DRD3: variants seen among roughly 807,000 people sequenced by gnomAD.
DRD3 encodes dopamine receptor D3, also known as D(3) dopamine receptor.
DRD3 carries 19 observed loss-of-function variants against 36.3 expected under a neutral mutation model. The observed-to-expected ratio is 0.52, with a 90% CI of 0.36 to 0.77. The LOEUF (loss-of-function observed/expected upper bound fraction) is 0.77, where lower values mean the gene tolerates loss of function less well. Among genes scored for constraint, DRD3 ranks in the 30% least tolerant of loss-of-function variants. The pLI, the probability that DRD3 is intolerant of heterozygous loss-of-function variation, is 0.00. For missense variants in DRD3, 465 were observed against 505.3 expected, an observed-to-expected ratio of 0.92 and a Z score of 0.77; for synonymous variants, 195 against 203.7, an observed-to-expected ratio of 0.96 and a Z score of 0.36.
rs200245212 is a variant in DRD3 at position 114,171,889 on chromosome 3, G to A, written c.104C>T (p.Ser35Phe). Residue 35 changes from serine to phenylalanine, a missense_variant, in exon 2 of 7, where the codon TCC becomes TTC. Coordinates refer to ENST00000383673, the MANE Select transcript of DRD3 (RefSeq NM_000796.6). ...QARPHAYYALSYCALILAIVF... is the reference protein window; with the variant it reads ...QARPHAYYALFYCALILAIVF... ...GATGGCCAGGATGAGCGCGCAGTAG[G>A]AGAGGGCATAGTAGGCATGTGGGCG... 17 of 1,612,812 alleles carry A rather than the reference G, an allele frequency of 1.1e-5. No homozygotes were observed. The highest frequency in any genetic ancestry group is 2.2e-5 in the East Asian group (1 of 44,816).
intron 3 of DRD3, among the ~76,000 whole-genome samples, chr3:114,152,141 C>A (rs1482579508): frequency 6.6e-6 from 1 of 152,074 alleles, no homozygotes; most frequent in Non-Finnish European, 1.5e-5. Flanking sequence ...CGTGGTGATT[C>A]GCGAGATCCT....
At chr3:114,181,913 T>C (rs1368353288), upstream of DRD3, among the ~76,000 whole-genome samples, 1 of 152,216 alleles carries the variant, frequency 6.6e-6, no homozygotes, top group Non-Finnish European at 1.5e-5. Context: ...TCCCACTCAC[T>C]AGGACAGTAT....
upstream of DRD3, among the ~76,000 whole-genome samples, chr3:114,183,856 A>G (rs1280975263): frequency 6.6e-6 from 1 of 151,578 alleles, no homozygotes; most frequent in Non-Finnish European, 1.5e-5. Context: ...GTGTCTTTGG[A>G]TCTAAAGTTA....
At chr3:114,130,084 C>CA (rs1216856756) in intron 6 of DRD3, among the ~76,000 whole-genome samples, 1 of 151,858 alleles carries the variant, frequency 6.6e-6, no homozygotes, top group East Asian at 1.9e-4. Flanking sequence ...CCTGTCACTA[C>CA]AAAAAACAAA....
At chr3:114,129,163 T>G (rs1022345692) in intron 6 of DRD3, among the ~76,000 whole-genome samples, 1 of 151,680 alleles carries the variant, frequency 6.6e-6, no homozygotes, top group African/African-American at 2.4e-5. Context: ...GGCAACAAGG[T>G]GAAACCCTAT....
rs200653531 is a variant in DRD3, at chr3:114,171,707, C to T, written c.270+16G>A. The T allele has an allele frequency of 2.5e-6, 4 of 1,574,946 alleles. No individual in the cohort carries two copies. Among genetic ancestry groups the T allele is most frequent in the Non-Finnish European group, 3.4e-6 (4 of 1,159,984 alleles). ...AGCACAGTCATAGAGACAACATGCA[C>T]CTGAAGTCTACTCACCTCCAGGTAT... On this transcript the variant is annotated intron_variant, in intron 2 of 6. Transcript: ENST00000383673.
chr3:114,193,923 A>C (rs1460805955), intron 1 of DRD3, among the ~76,000 whole-genome samples: 1 of 152,228 alleles, frequency 6.6e-6, no homozygotes, highest in Non-Finnish European at 1.5e-5. Context: ...GATATAACTT[A>C]GATTTTCCTG....
At chr3:114,184,411 T>G (rs2077963903) in intron 1 of DRD3, among the ~76,000 whole-genome samples, 1 of 152,176 alleles carries the variant, frequency 6.6e-6, no homozygotes, top group Non-Finnish European at 1.5e-5. Flanking sequence ...TAATGTTAGC[T>G]TTTAGACTAA....
chr3:114,133,302 C>T (rs1483016603), intron 5 of DRD3, among the ~76,000 whole-genome samples: 2 of 152,068 alleles, frequency 1.3e-5, no homozygotes, highest in Non-Finnish European at 2.9e-5. Context: ...AGTCTGTATT[C>T]TTTAGAGGAT....
At chr3:114,182,148 G>T (rs189379375), upstream of DRD3, among the ~76,000 whole-genome samples, 2 of 152,294 alleles carry the variant, frequency 1.3e-5, no homozygotes, top group African/African-American at 2.4e-5. Flanking sequence ...GTAAATGAAA[G>T]TTGGCAAATG....
chr3:114,145,518 AC>A (rs2077562499), intron 4 of DRD3, among the ~76,000 whole-genome samples: 1 of 152,160 alleles, frequency 6.6e-6, no homozygotes, highest in Non-Finnish European at 1.5e-5. Flanking sequence ...TTGGCTAGTT[AC>A]CCTTTACTGT....
chr3:114,161,080 G>A (rs375494131), intron 2 of DRD3, among the ~76,000 whole-genome samples: 37 of 152,244 alleles, frequency 2.4e-4, no homozygotes, highest in African/African-American at 8.7e-4. Context: ...CTCATGGACC[G>A]CGAGGCTTTG....
At chr3:114,168,001 G>A (rs956903327) in intron 2 of DRD3, among the ~76,000 whole-genome samples, 1 of 152,206 alleles carries the variant, frequency 6.6e-6, no homozygotes, top group Non-Finnish European at 1.5e-5. Context: ...GTAGGGAAAT[G>A]GAGCTGGTGC....
intron 1 of DRD3, among the ~76,000 whole-genome samples, chr3:114,178,238 T>C (rs36211800): frequency 0.041 from 6,296 of 152,264 alleles, 172 homozygotes; most frequent in Middle Eastern, 0.12. Flanking sequence ...TTGAAAATAG[T>C]GCCTCTCCAA....
intron 2 of DRD3, among the ~76,000 whole-genome samples, chr3:114,161,782 AG>A (rs540431345): frequency 4.3e-4 from 66 of 152,354 alleles, no homozygotes; most frequent in African/African-American, 1.6e-3. Flanking sequence ...AGAGAATAAA[AG>A]AAGGTTTTCT....
rs1046746860 is a variant in DRD3 at position 114,131,322 on chromosome 3, C to T, written c.802G>A (p.Gly268Ser). Residue 268 changes from glycine (G) to serine (S), a missense_variant, in exon 6 of 7, where the codon GGC becomes AGC. By Grantham distance (56) the Gly-to-Ser change is moderately conservative (BLOSUM62 0). Coordinates refer to ENST00000383673, the MANE Select transcript of DRD3 (RefSeq NM_000796.6). ...ICQDTALGGPGFQERGGELKR... is the reference protein window; with the variant it reads ...ICQDTALGGPSFQERGGELKR... ...AACTCTCCTCCTCTTTCTTGGAAGC[C>T]TGGTCCACCCAAGGCAGTGTCCTGG... 1.1e-5 allele frequency: 18 copies of T among 1,614,086 alleles called. No homozygotes were observed. The highest frequency in any genetic ancestry group is 1.5e-5 in the Non-Finnish European group (18 of 1,180,048).
At chr3:114,149,749 T>C (rs1238584718) in intron 3 of DRD3, among the ~76,000 whole-genome samples, 1 of 152,222 alleles carries the variant, frequency 6.6e-6, no homozygotes, top group Non-Finnish European at 1.5e-5. Context: ...GAGAGGGTCA[T>C]TTTTTAGGAG....
chr3:114,182,031 G>A (rs2077950901), upstream of DRD3, among the ~76,000 whole-genome samples: 1 of 152,154 alleles, frequency 6.6e-6, no homozygotes, highest in South Asian at 2.1e-4. Flanking sequence ...CTGTGAACTG[G>A]AAGATTTGAT....
intron 2 of DRD3, among the ~76,000 whole-genome samples, chr3:114,170,538 A>G (rs2077829501): frequency 6.7e-6 from 1 of 149,462 alleles, no homozygotes; most frequent in African/African-American, 2.5e-5. Flanking sequence ...GTATTCCCTT[A>G]GCCTTTAGAT....
Sources: allele counts gnomAD v4.1 joint callset (sites outside exome capture counted in the v4.1 genomes callset), GRCh38; gene constraint gnomAD v4.1.1; transcripts MANE v1.5; gene names NCBI Gene and HGNC (gene_info 2026-07-23, HGNC 2026-07-21).